The following CDKAL1 variants were observed in gnomAD, a reference collection of about 807,000 sequenced individuals.
The protein encoded by CDKAL1 is CDKAL1 threonylcarbamoyladenosine tRNA methylthiotransferase.
CDKAL1 carries 32 observed loss-of-function variants against 68.2 expected under a neutral mutation model. That is an observed-to-expected ratio of 0.47 (90% CI 0.35 to 0.63). The LOEUF (loss-of-function observed/expected upper bound fraction) is 0.63, where lower values mean the gene tolerates loss of function less well. Among genes scored for constraint, CDKAL1 ranks in the 30% least tolerant of loss-of-function variants. The pLI is 0.00. For missense variants in CDKAL1, 606 were observed against 696.7 expected, an observed-to-expected ratio of 0.87 and a Z score of 1.47; for synonymous variants, 234 against 244.3, an observed-to-expected ratio of 0.96 and a Z score of 0.39.
In CDKAL1 at chr6:20,583,470, A is replaced by C. The variant is rs75889414; in HGVS notation, c.286+34765A>C. Reference sequence around the variant, plus strand: ...TTCCTGTGATCTTGGCTTGCAGATGAAAACCTTAATATTTGAATCAGACTG... The same window carrying C: ...TTCCTGTGATCTTGGCTTGCAGATGCAAACCTTAATATTTGAATCAGACTG... On this transcript the variant is annotated intron_variant, in intron 4 of 15. Coordinates refer to ENST00000274695, the MANE Select transcript of CDKAL1 (RefSeq NM_017774.3). Among the ~76,000 whole-genome samples, 510 of 152,160 alleles carry C rather than the reference A, an allele frequency of 3.4e-3. 5 individuals are homozygous for C. The highest frequency in any genetic ancestry group is 3.8e-3 in the Non-Finnish European group (260 of 67,986).
chr6:20,779,476 T>G (rs927599559), intron 7 of CDKAL1, among the ~76,000 whole-genome samples: 1 of 152,242 alleles, frequency 6.6e-6, no homozygotes, highest in African/African-American at 2.4e-5. Context: ...TTTAGAACAC[T>G]TACATCACCC....
At chr6:20,834,639 C>T (rs186998910) in intron 8 of CDKAL1, among the ~76,000 whole-genome samples, 1 of 152,110 alleles carries the variant, frequency 6.6e-6, no homozygotes, top group Admixed American at 6.6e-5. Context: ...CTAAGCTTAT[C>T]TTTATCTAGA....
At chr6:20,578,291 G>T (rs1764995716) in intron 4 of CDKAL1, among the ~76,000 whole-genome samples, 1 of 152,004 alleles carries the variant, frequency 6.6e-6, no homozygotes, top group African/African-American at 2.4e-5. Context: ...CAAGGTAGGG[G>T]ATATTTCCAT....
chr6:21,218,454 C>A (rs909285031), intron 15 of CDKAL1, among the ~76,000 whole-genome samples: 7 of 152,228 alleles, frequency 4.6e-5, no homozygotes, highest in African/African-American at 1.7e-4. Flanking sequence ...TGCAGCTTCT[C>A]TGGGTGCCCG....
At chr6:20,632,432 G>T (rs933298292) in intron 4 of CDKAL1, among the ~76,000 whole-genome samples, 1 of 152,190 alleles carries the variant, frequency 6.6e-6, no homozygotes, top group African/African-American at 2.4e-5. Context: ...AAAATTATAA[G>T]TCGAATCATT....
intron 5 of CDKAL1, among the ~76,000 whole-genome samples, chr6:20,696,606 C>T (rs1771118350): frequency 6.6e-6 from 1 of 152,050 alleles, no homozygotes; most frequent in African/African-American, 2.4e-5. Context: ...TTTTTAATAG[C>T]TTTTAAAAAG....
At chr6:20,567,613 T>C (rs1764512981) in intron 4 of CDKAL1, among the ~76,000 whole-genome samples, 1 of 152,142 alleles carries the variant, frequency 6.6e-6, no homozygotes, top group Non-Finnish European at 1.5e-5. Flanking sequence ...ATAGAAGGAA[T>C]ATGGAATTAG....
At chr6:20,691,681 A>T (rs779993047) in intron 5 of CDKAL1, among the ~76,000 whole-genome samples, 8 of 152,116 alleles carry the variant, frequency 5.3e-5, no homozygotes, top group Non-Finnish European at 1.2e-4. Flanking sequence ...GTCAATGCTT[A>T]CATAATTTAG....
At chr6:20,926,938 T>TAGAG (rs935570051) in intron 9 of CDKAL1, among the ~76,000 whole-genome samples, 4 of 147,890 alleles carry the variant, frequency 2.7e-5, no homozygotes, top group African/African-American at 4.9e-5. Flanking sequence ...TATATATATA[T>TAGAG]AGAGAGAGAG....
At position 20,918,896 on chromosome 6, in the gene CDKAL1, C is replaced by T. The variant is rs1263597986; in HGVS notation, c.743-36523C>T. ...CTGCATTTAGTGTTCATGGGCATTT[C>T]CACCCTCCAGTATTGGCCAACAGCA... On this transcript the variant is annotated intron_variant, in intron 9 of 15. Coordinates refer to ENST00000274695, the MANE Select transcript of CDKAL1 (RefSeq NM_017774.3). Among the ~76,000 whole-genome samples, 3 of 152,194 alleles carry T rather than the reference C, an allele frequency of 2.0e-5. No individual in the cohort carries two copies. The East Asian group carries it at 5.8e-4, about 29-fold the overall frequency.
At chr6:20,544,565 C>A in intron 2 of CDKAL1, among the ~76,000 whole-genome samples, 1 of 131,190 alleles carries the variant, frequency 7.6e-6, no homozygotes, top group Non-Finnish European at 1.6e-5. Flanking sequence ...CACTGCACTC[C>A]AGCCTGGGCC....
Position 20,581,685 on chromosome 6 carries a change from C to G in CDKAL1, c.286+32980C>G, listed in dbSNP as rs981122811. ...GAACTGAGCAGTTTGAGATTAACAG[C>G]CAATATGAACTGCCTGCAGTAATCA... On this transcript the variant is annotated intron_variant, in intron 4 of 15. Transcript: ENST00000274695. 1.3e-4 allele frequency among the ~76,000 whole-genome samples: 20 copies of G among 152,194 alleles called. No individual in the cohort carries two copies. In the East Asian group the frequency reaches 3.9e-3, roughly 29 times the overall value.
At chr6:20,572,344 A>C (rs943768123) in intron 4 of CDKAL1, among the ~76,000 whole-genome samples, 4 of 152,168 alleles carry the variant, frequency 2.6e-5, no homozygotes, top group African/African-American at 9.7e-5. Context: ...CATACATTTT[A>C]ATGAGTACAT....
chr6:20,901,870 G>A (rs1011729385), intron 9 of CDKAL1, among the ~76,000 whole-genome samples: 4 of 151,088 alleles, frequency 2.6e-5, no homozygotes, highest in Non-Finnish European at 4.4e-5. Context: ...TCTGCCTCCC[G>A]GGCTCAAGCA....
chr6:20,987,959 TTTC>T (rs1291679590), intron 10 of CDKAL1, among the ~76,000 whole-genome samples: 2 of 151,188 alleles, frequency 1.3e-5, no homozygotes, highest in Non-Finnish European at 2.9e-5. Flanking sequence ...TTTTTTTTTT[TTTC>T]ACCTGTAGAC....
chr6:21,092,734 TAA>T (rs34756370), intron 12 of CDKAL1, among the ~76,000 whole-genome samples: 3 of 133,444 alleles, frequency 2.2e-5, no homozygotes, highest in African/African-American at 2.8e-5. Flanking sequence ...GACGAAAACT[TAA>T]AAAAAAAAAA....
chr6:20,899,492 C>G (rs925885958), intron 9 of CDKAL1, among the ~76,000 whole-genome samples: 3 of 152,006 alleles, frequency 2.0e-5, no homozygotes, highest in Non-Finnish European at 4.4e-5. Flanking sequence ...AAACCACTTA[C>G]TGGTAAAATA....
chr6:20,896,103 C>CTTTTTTTTTTTTTTTTT (rs777787310), intron 9 of CDKAL1, among the ~76,000 whole-genome samples: 1 of 90,148 alleles, frequency 1.1e-5, no homozygotes. Flanking sequence ...CTTTTCTTTT[C>CTTTTTTTTTTTTTTTTT]TTTTTTTTTT....
At chr6:20,752,377 T>C (rs1180250588) in intron 6 of CDKAL1, among the ~76,000 whole-genome samples, 2 of 152,186 alleles carry the variant, frequency 1.3e-5, no homozygotes, top group African/African-American at 4.8e-5. Flanking sequence ...AATCAAGTAC[T>C]ATTTTAAATT....
Sources: gnomAD v4.1 joint callset for allele counts (sites outside exome capture counted in the v4.1 genomes callset) on GRCh38, gnomAD v4.1.1 for gene constraint, MANE v1.5 for transcripts, NCBI Gene and HGNC (gene_info 2026-07-23, HGNC 2026-07-21) for gene names.